The following COL21A1 variants were observed in gnomAD, a reference collection of about 807,000 sequenced individuals.
COL21A1 encodes collagen type XXI alpha 1 chain.
Under a neutral mutation model 137.9 loss-of-function variants are expected in COL21A1, and 149 were observed. The ratio of observed to expected loss-of-function variants is 1.08; its 90% CI spans 0.95 to 1.24. The LOEUF is 1.24. Ranked by LOEUF, COL21A1 falls within the 50% of genes most tolerant of loss-of-function variation. The pLI, the probability that COL21A1 is intolerant of heterozygous loss-of-function variation, is 0.00. For synonymous variants in COL21A1, 456 were observed against 391.5 expected (o/e 1.16, Z -1.95); for missense variants, 1,167 against 1,158.4 (o/e 1.01, Z -0.11).
chr6:56,256,565 A>C (rs1782978103), intron 1 of COL21A1, among the ~76,000 whole-genome samples: 1 of 152,206 alleles, frequency 6.6e-6, no homozygotes, highest in South Asian at 2.1e-4. Flanking sequence ...ATCGAAAGTA[A>C]AGCTTCCAAT....
At chr6:56,246,262 G>T (rs1162716513) in intron 1 of COL21A1, among the ~76,000 whole-genome samples, 1 of 152,184 alleles carries the variant, frequency 6.6e-6, no homozygotes, top group Admixed American at 6.5e-5. Flanking sequence ...TGACAGTGAT[G>T]ATCCAGGAAC....
Position 56,057,312 on chromosome 6 carries a change from A to C in COL21A1, c.*345T>G, listed in dbSNP as rs1765420107. ...CACATGGACATGAAATTAAACTCAAATCTCTACTGCATGGAGGCTGAATGT... is the reference window on the plus strand; with the variant it reads ...CACATGGACATGAAATTAAACTCAACTCTCTACTGCATGGAGGCTGAATGT... On this transcript the variant is annotated 3_prime_UTR_variant, in exon 30 of 30. Transcript: ENST00000244728. 3.4e-6 allele frequency: 1 copy of C among 291,850 alleles called. No homozygotes were observed. Among genetic ancestry groups the C allele is most frequent in the Admixed American group, 5.3e-5 (1 of 18,822 alleles). 18.1% of individuals were successfully genotyped at this position (291,850 alleles called of 1,614,324 possible). A position where few individuals can be genotyped will look rare whatever the true frequency, so the allele number is the denominator to read the frequency against.
intron 1 of COL21A1, among the ~76,000 whole-genome samples, chr6:56,201,042 C>T (rs989984789): frequency 3.3e-5 from 5 of 152,146 alleles, no homozygotes; most frequent in African/African-American, 9.7e-5. Context: ...ATTTGCATTT[C>T]TCTGATGGCC....
intron 1 of COL21A1, among the ~76,000 whole-genome samples, chr6:56,246,952 A>G (rs1222986677): frequency 1.3e-5 from 2 of 152,218 alleles, no homozygotes; most frequent in Non-Finnish European, 2.9e-5. Flanking sequence ...GAGTGAGTCC[A>G]TAATGCAGCA....
chr6:56,327,705 A>C (rs1405470222), intron 1 of COL21A1, among the ~76,000 whole-genome samples: 1 of 152,102 alleles, frequency 6.6e-6, no homozygotes. Context: ...CAACAAATCA[A>C]GTAGGCCTGA....
intron 1 of COL21A1, among the ~76,000 whole-genome samples, chr6:56,302,807 A>G (rs28865015): frequency 0.86 from 129,796 of 151,458 alleles, 57,756 homozygotes; most frequent in South Asian, 0.99. Flanking sequence ...CCTTGCCCAC[A>G]CCTATGTCCT....
intron 3 of COL21A1, among the ~76,000 whole-genome samples, chr6:56,173,215 A>T (rs987273066): frequency 2.0e-5 from 3 of 152,008 alleles, no homozygotes; most frequent in Non-Finnish European, 2.9e-5. Flanking sequence ...GCAAACAAAC[A>T]AAAAACAACA....
chr6:56,314,888 C>A (rs1347015563), intron 1 of COL21A1, among the ~76,000 whole-genome samples: 1 of 152,114 alleles, frequency 6.6e-6, no homozygotes, highest in Non-Finnish European at 1.5e-5. Flanking sequence ...CACTAGAGGG[C>A]AGGACAGCAA....
At chr6:56,308,556 G>A (rs986825423) in intron 1 of COL21A1, among the ~76,000 whole-genome samples, 1 of 152,156 alleles carries the variant, frequency 6.6e-6, no homozygotes, top group Non-Finnish European at 1.5e-5. Flanking sequence ...GTGGAATAGT[G>A]GTTTCCAGGA....
intron 1 of COL21A1, among the ~76,000 whole-genome samples, chr6:56,188,416 A>G (rs1778439396): frequency 6.6e-6 from 1 of 152,234 alleles, no homozygotes; most frequent in Non-Finnish European, 1.5e-5. Flanking sequence ...GTTGTGTGAT[A>G]TATTCATACA....
intron 12 of COL21A1, among the ~76,000 whole-genome samples, chr6:56,139,495 G>A (rs1774256046): frequency 1.1e-5 from 1 of 90,088 alleles, no homozygotes; most frequent in South Asian, 3.9e-4. Context: ...ACACACTTGT[G>A]CACATACACA....
intron 1 of COL21A1, among the ~76,000 whole-genome samples, chr6:56,187,224 G>A (rs1778362854): frequency 6.6e-6 from 1 of 152,116 alleles, no homozygotes; most frequent in Admixed American, 6.5e-5. Context: ...GAACCTACCT[G>A]GCTTTTTATA....
At chr6:56,328,511 T>G (rs555780737) in intron 1 of COL21A1, among the ~76,000 whole-genome samples, 1 of 152,230 alleles carries the variant, frequency 6.6e-6, no homozygotes, top group South Asian at 2.1e-4. Flanking sequence ...TATATCTGTC[T>G]TCTATTATAC....
chr6:56,171,404 T>C (rs971144092), intron 3 of COL21A1, among the ~76,000 whole-genome samples: 5 of 151,908 alleles, frequency 3.3e-5, no homozygotes, highest in Admixed American at 2.0e-4. Flanking sequence ...TGTTAATGTA[T>C]TGTCTTTAGC....
intron 1 of COL21A1, among the ~76,000 whole-genome samples, chr6:56,277,215 T>C (rs1474843228): frequency 6.6e-6 from 1 of 152,152 alleles, no homozygotes; most frequent in African/African-American, 2.4e-5. Flanking sequence ...TTCATATGTA[T>C]ACATGTGCCA....
At chr6:56,143,752 G>A (rs79252909) in intron 10 of COL21A1, among the ~76,000 whole-genome samples, 10,172 of 152,046 alleles carry the variant, frequency 0.067, 400 homozygotes, top group Admixed American at 0.11. Context: ...CACTCTCTCC[G>A]TCACTGGATT....
At chr6:56,390,474 A>G (rs1244933064) in intron 1 of COL21A1, among the ~76,000 whole-genome samples, 1 of 146,866 alleles carries the variant, frequency 6.8e-6, no homozygotes, top group African/African-American at 2.6e-5. Flanking sequence ...CCCTTAATCA[A>G]ATACATAGAG....
At position 56,098,586 on chromosome 6, in the gene COL21A1, A is replaced by AATAT. The variant is rs1554206768; in HGVS notation, c.1812+2882_1812+2885dup. Among the ~76,000 whole-genome samples the AATAT allele has an allele frequency of 3.8e-4, 3 of 7,946 alleles. 1 individual carries two copies. The highest frequency in any genetic ancestry group is 1.6e-3 in the African/African-American group (3 of 1,820). The allele number at this position is 7,946 out of a possible 152,430, so 5.2% of individuals were successfully genotyped here. A position where few individuals can be genotyped will look rare whatever the true frequency, so the allele number is the denominator to read the frequency against. Reference sequence around the variant, plus strand: ...ATATAAATATATATAAATATATATAAATATATAAATATATATATAAATATA... The same window carrying AATAT: ...ATATAAATATATATAAATATATATAAATATATATATAAATATATATATAAATATA... On this transcript the variant is annotated intron_variant, in intron 17 of 29. Coordinates refer to ENST00000244728, the MANE Select transcript of COL21A1 (RefSeq NM_030820.4).
intron 16 of COL21A1, among the ~76,000 whole-genome samples, chr6:56,117,607 A>G (rs1361699394): frequency 6.6e-6 from 1 of 152,032 alleles, no homozygotes; most frequent in Non-Finnish European, 1.5e-5. Flanking sequence ...TTTACTGAAC[A>G]TTTTATCCAA....
Sources: allele counts gnomAD v4.1 joint callset (sites outside exome capture counted in the v4.1 genomes callset), GRCh38; gene constraint gnomAD v4.1.1; transcripts MANE v1.5; gene names NCBI Gene and HGNC (gene_info 2026-07-23, HGNC 2026-07-21).